AKAP13: variants seen among roughly 807,000 people sequenced by gnomAD.
AKAP13 encodes the protein A-kinase anchor protein 13.
Under a neutral mutation model 264.5 loss-of-function variants are expected in AKAP13, and 80 were observed. The observed-to-expected ratio is 0.30, with a 90% confidence interval of 0.25 to 0.36. The LOEUF (loss-of-function observed/expected upper bound fraction) is 0.36, where lower values mean the gene tolerates loss of function less well. Ranked by LOEUF, AKAP13 falls within the 10% of genes least tolerant of loss-of-function variation. The pLI, the probability that AKAP13 is intolerant of heterozygous loss-of-function variation, is 1.00. For missense variants in AKAP13, 3,712 were observed against 3,435.2 expected (o/e 1.08, Z -2.01); for synonymous variants, 1,380 against 1,250.2 (o/e 1.10, Z -2.19).
In AKAP13 at chr15:85,533,855, A is replaced by T. The variant is rs1052471851; in HGVS notation, c.453A>T (p.Val151=). Reference sequence around the variant, plus strand: ...TGAAGCTGCCCACGGAGTGGAATGTATTGGGGACAGATCAGAGTTTGCATG... The same window carrying T: ...TGAAGCTGCCCACGGAGTGGAATGTTTTGGGGACAGATCAGAGTTTGCATG... ...RHLKLPTEWN[V]LGTDQSLHDA... is the part of the protein sequence containing the mutation. The change falls in exon 4 of 37, where the codon GTA becomes GTT. Residue 151 remains valine, a synonymous_variant. Transcript: ENST00000394518. 6 of 1,605,974 alleles carry T rather than the reference A, an allele frequency of 3.7e-6. No individual in the cohort carries two copies. The highest frequency in any genetic ancestry group is 1.1e-5 in the South Asian group (1 of 90,290).
intron 15 of AKAP13, among the ~76,000 whole-genome samples, chr15:85,682,464 A>C (rs139220237): frequency 2.5e-3 from 384 of 152,270 alleles, no homozygotes; most frequent in African/African-American, 7.7e-3. Flanking sequence ...AGGGTACACT[A>C]TTATTTGACT....
At chr15:85,541,799 C>T (rs533788218) in intron 4 of AKAP13, among the ~76,000 whole-genome samples, 74 of 152,284 alleles carry the variant, frequency 4.9e-4, no homozygotes, top group Admixed American at 4.8e-3. Context: ...ATTGTTTTCT[C>T]CTAATCTGTT....
At chr15:85,578,639 C>T (rs1026146534) in intron 6 of AKAP13, among the ~76,000 whole-genome samples, 17 of 152,070 alleles carry the variant, frequency 1.1e-4, no homozygotes, top group African/African-American at 3.4e-4. Flanking sequence ...CCACCATGCC[C>T]GGCGAGACTC....
intron 4 of AKAP13, among the ~76,000 whole-genome samples, chr15:85,539,410 T>A (rs188338151): frequency 7.0e-4 from 106 of 152,308 alleles, no homozygotes; most frequent in African/African-American, 2.4e-3. Flanking sequence ...CATGTGGGAC[T>A]TTAGGTTTTT....
intron 16 of AKAP13, among the ~76,000 whole-genome samples, chr15:85,687,057 C>G (rs923655176): frequency 2.0e-5 from 3 of 152,136 alleles, no homozygotes; most frequent in Admixed American, 6.6e-5. Flanking sequence ...GAATGTACCA[C>G]TCATCTCATG....
At chr15:85,735,254 A>G in intron 31 of AKAP13, 104 bp downstream of exon 31, 4 of 1,441,020 alleles carry the variant, frequency 2.8e-6, no homozygotes, top group Non-Finnish European at 2.8e-6. Context: ...CCCAATCAGC[A>G]AATTTCTTAG....
At chr15:85,542,170 CT>C (rs1269519451) in intron 4 of AKAP13, among the ~76,000 whole-genome samples, 5 of 152,154 alleles carry the variant, frequency 3.3e-5, no homozygotes, top group African/African-American at 1.2e-4. Flanking sequence ...TCTATTTGTC[CT>C]TTTGTCTGGC....
rs1337047041 is a variant in AKAP13, at chr15:85,575,273, G to A, written c.805G>A (p.Gly269Arg). Residue 269 changes from glycine to arginine, a missense_variant, in exon 6 of 37, where the codon GGA (glycine) becomes AGA (arginine). By Grantham distance (125) the Gly-to-Arg change is moderately radical. Transcript: ENST00000394518. The part of the protein sequence containing the change: ...SDSHHEHPFP[G>R]DGCTGPIFKL... The stretch of plus-strand genomic sequence containing the variant: ...TTCACATCATGAACACCCATTTCCT[G>A]GAGACGGTTGCACTGGACCAATTTT... 1.9e-6 allele frequency: 3 copies of A among 1,613,988 alleles called. No individual in the cohort carries two copies. In the African/African-American group the frequency reaches 4.0e-5, roughly 22 times the overall value.
chr15:85,381,685 A>C (rs1158680991), intron 1 of AKAP13: 5 of 152,014 alleles, frequency 3.3e-5, no homozygotes, highest in African/African-American at 1.2e-4. Context: ...TTAATTTTCT[A>C]GATCCCGGAA....
chr15:85,541,387 T>C (rs2151207915), intron 4 of AKAP13, among the ~76,000 whole-genome samples: 1 of 152,292 alleles, frequency 6.6e-6, no homozygotes, highest in Middle Eastern at 3.4e-3. Flanking sequence ...GGATCTAGGT[T>C]GTTGAGTGAG....
chr15:85,692,497 A>ATGGTGG (rs35316448), intron 16 of AKAP13, among the ~76,000 whole-genome samples: 37 of 151,164 alleles, frequency 2.4e-4, no homozygotes, highest in African/African-American at 7.8e-4. Flanking sequence ...GGTGGTGGTG[A>ATGGTGG]TGGTGGTGGT....
At chr15:85,643,112 A>G (rs2082385911) in intron 9 of AKAP13, among the ~76,000 whole-genome samples, 1 of 151,950 alleles carries the variant, frequency 6.6e-6, no homozygotes, top group Non-Finnish European at 1.5e-5. Context: ...AATAGTTTGA[A>G]CCAAGACTGA....
chr15:85,636,154 A>T (rs185984484), intron 8 of AKAP13, among the ~76,000 whole-genome samples: 1 of 152,280 alleles, frequency 6.6e-6, no homozygotes, highest in African/African-American at 2.4e-5. Context: ...ATCCCTAATT[A>T]TTTTATATTT....
At chr15:85,703,632 A>C (rs1318226980) in intron 17 of AKAP13, among the ~76,000 whole-genome samples, 1 of 152,194 alleles carries the variant, frequency 6.6e-6, no homozygotes, top group Non-Finnish European at 1.5e-5. Flanking sequence ...ACCTGAGGTT[A>C]GGAGTTTGAG....
At chr15:85,542,311 C>G (rs928856186) in intron 4 of AKAP13, among the ~76,000 whole-genome samples, 2 of 152,080 alleles carry the variant, frequency 1.3e-5, no homozygotes, top group Non-Finnish European at 2.9e-5. Context: ...TTGGTCTATG[C>G]ATATACAGTT....
intron 1 of AKAP13, among the ~76,000 whole-genome samples, chr15:85,398,546 T>G (rs548475668): frequency 6.6e-6 from 1 of 152,196 alleles, no homozygotes; most frequent in Non-Finnish European, 1.5e-5. Context: ...TCAATGTACC[T>G]TTATATGATT....
intron 1 of AKAP13, among the ~76,000 whole-genome samples, chr15:85,420,214 T>G (rs2072460516): frequency 6.6e-6 from 1 of 151,946 alleles, no homozygotes; most frequent in Admixed American, 6.6e-5. Context: ...GTGCTGGGAT[T>G]ACAGGCGTGA....
intron 1 of AKAP13, 33 bp downstream of exon 1, chr15:85,380,831 G>C (rs1454245718): frequency 6.6e-6 from 1 of 152,398 alleles, no homozygotes; most frequent in African/African-American, 2.4e-5. Context: ...GGAGTTGGGG[G>C]AAGTTTTGTG....
intron 2 of AKAP13, among the ~76,000 whole-genome samples, chr15:85,512,849 GTATGTA>G (rs1466149838): frequency 2.0e-5 from 3 of 151,366 alleles, no homozygotes. Flanking sequence ...ATGTATGTAT[GTATGTA>G]TGTATGTATG....
Sources: gnomAD v4.1 joint callset for allele counts (sites outside exome capture counted in the v4.1 genomes callset) on GRCh38, gnomAD v4.1.1 for gene constraint, MANE v1.5 for transcripts, NCBI Gene and HGNC (gene_info 2026-07-23, HGNC 2026-07-21) for gene names.